SLC4A4: variants seen among roughly 807,000 people sequenced by gnomAD.
SLC4A4 encodes solute carrier family 4 member 4, also known as electrogenic sodium bicarbonate cotransporter 1.
A neutral mutation model predicts 111.5 loss-of-function variants in SLC4A4; 27 were observed. The observed-to-expected ratio is 0.24, with a 90% CI of 0.18 to 0.33. SLC4A4 has a LOEUF of 0.33. Among genes scored for constraint, SLC4A4 ranks in the 10% least tolerant of loss-of-function variants. The pLI is 1.00. For missense variants in SLC4A4, 909 were observed against 1,315.5 expected (o/e 0.69, Z 4.78); for synonymous variants, 443 against 463.4 (o/e 0.96, Z 0.57).
At chr4:71,521,560 T>C (rs1732936553) in intron 16 of SLC4A4, among the ~76,000 whole-genome samples, 1 of 152,068 alleles carries the variant, frequency 6.6e-6, no homozygotes, top group Non-Finnish European at 1.5e-5. Context: ...TCATATTTGG[T>C]GTATGAGTCA....
chr4:71,066,356 G>A (rs1741516280), intron 1 of SLC4A4, among the ~76,000 whole-genome samples: 1 of 152,068 alleles, frequency 6.6e-6, no homozygotes, highest in Non-Finnish European at 1.5e-5. Context: ...TGTGAAGCTA[G>A]GTATTATTTC....
rs1458441582 is a variant in SLC4A4, at chr4:71,472,972, T to A, written c.1903+2T>A. 6.2e-7 allele frequency: 1 copy of A among 1,612,956 alleles called. No individual in the cohort carries two copies. On this transcript the variant is annotated splice_donor_variant, in intron 14 of 25. Coordinates refer to ENST00000264485, the MANE Select transcript of SLC4A4 (RefSeq NM_001098484.3). LOFTEE classifies it high-confidence loss of function. ...GTACCTGTGTGCCACCTGACCCAGG[T>A]GAGGGCATTACGCTTTGTGTTTATG...
chr4:71,442,465 C>G (rs1724820450), intron 8 of SLC4A4, among the ~76,000 whole-genome samples: 1 of 152,226 alleles, frequency 6.6e-6, no homozygotes, highest in South Asian at 2.1e-4. Context: ...ATTTGCTGTC[C>G]TCTGAACTAG....
chr4:71,497,602 C>G lies in SLC4A4; in HGVS notation c.2076C>G (p.Ile692Met). The G allele has an allele frequency of 6.2e-7, 1 of 1,613,530 alleles. No homozygotes were observed. The highest frequency in any genetic ancestry group is 8.5e-7 in the Non-Finnish European group (1 of 1,179,640). The change falls in exon 16 of 26, where the codon ATC (isoleucine) becomes ATG (methionine). Residue 692 changes from isoleucine to methionine, a missense_variant. This residue lies in a region of SLC4A4 where 264 missense variants were observed against 356.8 expected (regional missense o/e 0.74). Transcript: ENST00000264485. Reference sequence around the variant, plus strand: ...ACAACTGTAATTTTGTTCCTGATATCACACTCATGTCTTTTATCCTCTTCT... The same window carrying G: ...ACAACTGTAATTTTGTTCCTGATATGACACTCATGTCTTTTATCCTCTTCT... Reference protein sequence around the residue: ...VGNNCNFVPDITLMSFILFLG... With the variant: ...VGNNCNFVPDMTLMSFILFLG...
chr4:71,519,825 T>G (rs1029899344), intron 16 of SLC4A4, among the ~76,000 whole-genome samples: 3 of 152,076 alleles, frequency 2.0e-5, no homozygotes, highest in Admixed American at 2.0e-4. Context: ...TGTTGTTGTT[T>G]TTTTAGTAGA....
chr4:71,445,693 C>G (rs142223955), intron 8 of SLC4A4, among the ~76,000 whole-genome samples: 1 of 152,072 alleles, frequency 6.6e-6, no homozygotes, highest in Non-Finnish European at 1.5e-5. Flanking sequence ...GTCAGGCAAA[C>G]GAAATTGAGA....
intron 2 of SLC4A4, among the ~76,000 whole-genome samples, chr4:71,252,783 CT>C (rs1313555730): frequency 4.6e-5 from 7 of 152,082 alleles, no homozygotes; most frequent in Non-Finnish European, 7.4e-5. Context: ...TATGAGGGAT[CT>C]TTTTGGATTG....
At chr4:71,274,486 C>A (rs1722931940) in intron 3 of SLC4A4, among the ~76,000 whole-genome samples, 1 of 152,074 alleles carries the variant, frequency 6.6e-6, no homozygotes, top group African/African-American at 2.4e-5. Context: ...AGAAATAAAA[C>A]AAATAGTTTG....
chr4:71,379,189 C>T (rs1177180634), intron 6 of SLC4A4, among the ~76,000 whole-genome samples: 3 of 152,088 alleles, frequency 2.0e-5, no homozygotes, highest in African/African-American at 7.2e-5. Context: ...TTAGTGATGA[C>T]TCTCTATCAT....
intron 3 of SLC4A4, among the ~76,000 whole-genome samples, chr4:71,289,258 T>G (rs927969242): frequency 6.6e-6 from 1 of 152,200 alleles, no homozygotes; most frequent in Non-Finnish European, 1.5e-5. Context: ...ACTTAAAACT[T>G]TTTATTGAAG....
intron 2 of SLC4A4, among the ~76,000 whole-genome samples, chr4:71,251,061 T>C (rs769000950): frequency 1.3e-5 from 2 of 152,206 alleles, no homozygotes; most frequent in Non-Finnish European, 2.9e-5. Context: ...GCAACATGTT[T>C]CCCAGGAAGG....
intron 3 of SLC4A4, among the ~76,000 whole-genome samples, chr4:71,311,464 T>C (rs1300520312): frequency 2.0e-5 from 3 of 152,100 alleles, no homozygotes; most frequent in East Asian, 1.9e-4. Context: ...CCTTAGCAAA[T>C]GCAAAAGAAT....
At position 71,569,169 on chromosome 4, in the gene SLC4A4, G is replaced by GA. The variant is rs759072146; in HGVS notation, c.*1424dup. On this transcript the variant is annotated 3_prime_UTR_variant, in exon 26 of 26. Coordinates refer to ENST00000264485, the MANE Select transcript of SLC4A4 (RefSeq NM_001098484.3). ...TTTTCATAAAACCCAAACCACATATGAAAAAATCCATTAAGGGTCCAAGAA... is the reference window on the plus strand; with the variant it reads ...TTTTCATAAAACCCAAACCACATATGAAAAAAATCCATTAAGGGTCCAAGAA... 15 of 151,484 alleles carry GA rather than the reference G, an allele frequency of 9.9e-5. No individual in the cohort carries two copies. The highest frequency in any genetic ancestry group is 1.9e-4 in the Non-Finnish European group (13 of 67,726). The allele number at this position is 151,484 out of a possible 1,614,324, so 9.4% of individuals were successfully genotyped here.
At position 71,257,959 on chromosome 4, in the gene SLC4A4, C is replaced by T. The variant is rs1407896021; in HGVS notation, c.253+2560C>T. Among the ~76,000 whole-genome samples, 9 of 152,238 alleles carry T rather than the reference C, an allele frequency of 5.9e-5. No homozygotes were observed. In the East Asian group the frequency reaches 1.7e-3, roughly 29 times the overall value. On this transcript the variant is annotated intron_variant, in intron 3 of 25. Transcript: ENST00000264485. ...TCAGTTTTGCGGTCACATTTTTGTC[C>T]AGGGAATCATCACCTCTTGCATAGA...
chr4:71,119,074 T>C (rs1743348383), intron 2 of SLC4A4, among the ~76,000 whole-genome samples: 3 of 152,186 alleles, frequency 2.0e-5, no homozygotes, highest in Admixed American at 2.0e-4. Flanking sequence ...GCGATAATGA[T>C]GTGTCAATGT....
At chr4:71,567,344 A>G (rs1737576893) in intron 25 of SLC4A4, among the ~76,000 whole-genome samples, 1 of 151,830 alleles carries the variant, frequency 6.6e-6, no homozygotes, top group South Asian at 2.1e-4. Context: ...TTTTAATTTC[A>G]GTATCGTCCC....
intron 17 of SLC4A4, among the ~76,000 whole-genome samples, chr4:71,532,677 T>A (rs1302986630): frequency 6.6e-6 from 1 of 152,090 alleles, no homozygotes; most frequent in African/African-American, 2.4e-5. Context: ...AGCTAATTTT[T>A]TAATGTTTTG....
intron 12 of SLC4A4, among the ~76,000 whole-genome samples, chr4:71,460,087 A>G (rs529799879): frequency 2.0e-5 from 3 of 151,936 alleles, no homozygotes; most frequent in African/African-American, 4.8e-5. Flanking sequence ...ATTACAAAAC[A>G]TATTTTTCTT....
chr4:71,357,141 G>A lies in SLC4A4; in HGVS notation c.684G>A (p.Gly228=), dbSNP rs771737451. ...ACCTTCGGTCCCTGGCTGACATTGGGAAGACAGTCTCCAGTGCAAGTAGGA... is the reference window on the plus strand; with the variant it reads ...ACCTTCGGTCCCTGGCTGACATTGGAAAGACAGTCTCCAGTGCAAGTAGGA... ...KSNLRSLADI[G]KTVSSASRMF... is the part of the protein sequence containing the mutation. Residue 228 remains glycine (G), a synonymous_variant, in exon 6 of 26, where the codon GGG becomes GGA. Coordinates refer to ENST00000264485, the MANE Select transcript of SLC4A4 (RefSeq NM_001098484.3). 7.4e-6 allele frequency: 12 copies of A among 1,614,162 alleles called. No homozygotes were observed. In the South Asian group the frequency reaches 7.7e-5, roughly 10 times the overall value.
Sources: gnomAD v4.1 joint callset for allele counts (sites outside exome capture counted in the v4.1 genomes callset) on GRCh38, gnomAD v4.1.1 for gene constraint, gnomAD v4.1.1 regional missense constraint, MANE v1.5 for transcripts, NCBI Gene and HGNC (gene_info 2026-07-23, HGNC 2026-07-21) for gene names.